POLR3B: variants seen among roughly 807,000 people sequenced by gnomAD.
POLR3B encodes RNA polymerase III subunit B.
Under a neutral mutation model 147.4 loss-of-function variants are expected in POLR3B, and 96 were observed. That is an observed-to-expected ratio of 0.65 (90% confidence interval 0.55 to 0.77). POLR3B has a LOEUF of 0.77. Among genes scored for constraint, POLR3B ranks in the 30% least tolerant of loss-of-function variants. POLR3B has a pLI of 0.00. For synonymous variants in POLR3B, 461 were observed against 485.9 expected (o/e 0.95, Z 0.67); for missense variants, 1,036 against 1,413.5 (o/e 0.73, Z 4.28).
intron 26 of POLR3B, among the ~76,000 whole-genome samples, chr12:106,501,937 C>T (rs1242735792): frequency 6.6e-6 from 1 of 152,206 alleles, no homozygotes; most frequent in Non-Finnish European, 1.5e-5. Flanking sequence ...ACATGTGCCC[C>T]GTTCACAGGT....
chr12:106,440,081 T>A (rs959986069), intron 18 of POLR3B, among the ~76,000 whole-genome samples: 1 of 152,086 alleles, frequency 6.6e-6, no homozygotes, highest in Non-Finnish European at 1.5e-5. Context: ...GATATAGATA[T>A]GTATCCTGAG....
Position 106,393,148 on chromosome 12 carries a change from A to G in POLR3B, c.841A>G (p.Met281Val). The change falls in exon 10 of 28, where the codon ATG (methionine) becomes GTG (valine). Residue 281 changes from methionine (M) to valine (V), a missense_variant. Coordinates refer to ENST00000228347, the MANE Select transcript of POLR3B (RefSeq NM_018082.6). ...CCAGAAAGCTCAGATTTTCACACAGATGCAGGTGTGTCTTTTCATGTTGTC... is the reference window on the plus strand; with the variant it reads ...CCAGAAAGCTCAGATTTTCACACAGGTGCAGGTGTGTCTTTTCATGTTGTC... ...ECQKAQIFTQ[M>V]QALKYIGNKV... The G allele has an allele frequency of 5.0e-6, 8 of 1,614,172 alleles. No homozygotes were observed. The highest frequency in any genetic ancestry group is 6.8e-6 in the Non-Finnish European group (8 of 1,179,996).
At chr12:106,436,550 C>T (rs2037579124) in intron 16 of POLR3B, among the ~76,000 whole-genome samples, 1 of 152,212 alleles carries the variant, frequency 6.6e-6, no homozygotes. Flanking sequence ...CTCTAAACAT[C>T]TGGATATTCA....
intron 19 of POLR3B, among the ~76,000 whole-genome samples, chr12:106,448,784 T>C (rs902878567): frequency 5.3e-5 from 8 of 152,064 alleles, no homozygotes; most frequent in African/African-American, 1.9e-4. Context: ...ATATAATACA[T>C]ACTTTTTTTT....
intron 25 of POLR3B, among the ~76,000 whole-genome samples, chr12:106,498,670 T>G (rs907003108): frequency 6.6e-6 from 1 of 151,800 alleles, no homozygotes; most frequent in East Asian, 1.9e-4. Flanking sequence ...CAACCTCTGC[T>G]TCCCGGGGGG....
chr12:106,452,519 T>C (rs2037810361), intron 19 of POLR3B, among the ~76,000 whole-genome samples: 1 of 152,230 alleles, frequency 6.6e-6, no homozygotes, highest in African/African-American at 2.4e-5. Flanking sequence ...TCAGAAGACA[T>C]GTTTGGCAGC....
Position 106,437,137 on chromosome 12 carries a change from T to C in POLR3B, c.1856+6T>C. On this transcript the variant is annotated splice_donor_region_variant and intron_variant, in intron 17 of 27. Coordinates refer to ENST00000228347, the MANE Select transcript of POLR3B (RefSeq NM_018082.6). The stretch of plus-strand genomic sequence containing the variant: ...GAGCTGGCCCAAGGGTACAGGTAAG[T>C]AGCCAAAAGTAAAACTTACCAATCT... The C allele has an allele frequency of 1.3e-6, 2 of 1,597,872 alleles. No individual in the cohort carries two copies. The highest frequency in any genetic ancestry group is 4.5e-5 in the East Asian group (2 of 44,700).
Position 106,437,719 on chromosome 12 carries a change from A to G in POLR3B, c.1895A>G (p.Tyr632Cys). Residue 632 changes from tyrosine to cysteine, a missense_variant, in exon 18 of 28, where the codon TAT becomes TGT. This residue lies in a region of POLR3B where 177 missense variants were observed against 232.7 expected (regional missense o/e 0.76). Transcript: ENST00000228347. ...TTCTTACATGAGAGTCTGGTTGAATATTTAGATGTGAATGAAGAAAATGAT... is the reference window on the plus strand; with the variant it reads ...TTCTTACATGAGAGTCTGGTTGAATGTTTAGATGTGAATGAAGAAAATGAT... ...EDFLHESLVE[Y>C]LDVNEENDCN... 6.2e-7 allele frequency: 1 copy of G among 1,605,086 alleles called. No homozygotes were observed. Among genetic ancestry groups the G allele is most frequent in the Non-Finnish European group, 8.5e-7 (1 of 1,171,962 alleles).
intron 20 of POLR3B, among the ~76,000 whole-genome samples, chr12:106,456,546 C>G (rs2037865505): frequency 6.6e-6 from 1 of 152,052 alleles, no homozygotes; most frequent in African/African-American, 2.4e-5. Flanking sequence ...ATTGTTTTTA[C>G]TTGTTGGCTT....
rs143411461 is a variant in POLR3B, at chr12:106,446,416, A to C, written c.2083+1826A>C. 18 of 178,516 alleles carry C rather than the reference A, an allele frequency of 1.0e-4. No individual in the cohort carries two copies. In the East Asian group the frequency reaches 1.1e-3, roughly 11 times the overall value. The allele number at this position is 178,516 out of a possible 1,614,324, so 11.1% of individuals were successfully genotyped here. On this transcript the variant is annotated intron_variant, in intron 19 of 27. Transcript: ENST00000228347. ...TTTTATTTTTATAACTCCTCTCCCCACAAAAAAAAAAAAAAAAAAGAAAAG... is the reference window on the plus strand; with the variant it reads ...TTTTATTTTTATAACTCCTCTCCCCCCAAAAAAAAAAAAAAAAAAGAAAAG...
chr12:106,357,976 G>A (rs1390813702), intron 1 of POLR3B, 25 bp downstream of exon 1: 1 of 1,610,144 alleles, frequency 6.2e-7, no homozygotes, highest in South Asian at 1.1e-5. Flanking sequence ...CGCAGGGAGC[G>A]TCAGGGACAA....
intron 23 of POLR3B, among the ~76,000 whole-genome samples, chr12:106,491,218 G>A (rs780249539): frequency 3.3e-5 from 5 of 152,120 alleles, no homozygotes; most frequent in Non-Finnish European, 5.9e-5. Flanking sequence ...TCATGAGATA[G>A]GTGCTAATTA....
chr12:106,457,025 T>G, intron 20 of POLR3B, 113 bp from the exon 21 acceptor site: 2 of 849,710 alleles, frequency 2.4e-6, no homozygotes. Context: ...ACAGAGAAGT[T>G]TTGGGATTTG....
At chr12:106,451,352 G>A (rs2037792825) in intron 19 of POLR3B, among the ~76,000 whole-genome samples, 1 of 152,044 alleles carries the variant, frequency 6.6e-6, no homozygotes, top group Non-Finnish European at 1.5e-5. Flanking sequence ...TTGAGGCCAG[G>A]TACTGTGGTT....
At chr12:106,469,635 G>T (rs1031954022) in intron 23 of POLR3B, among the ~76,000 whole-genome samples, 7 of 152,300 alleles carry the variant, frequency 4.6e-5, no homozygotes, top group African/African-American at 1.4e-4. Context: ...GCTCTTGTAA[G>T]GCAGGCCTGG....
At chr12:106,410,378 C>G (rs2037209183) in intron 11 of POLR3B, 1 of 163,054 alleles carries the variant, frequency 6.1e-6, no homozygotes, top group African/African-American at 2.4e-5. Context: ...TGTAGCCTCT[C>G]TCTCTGTGCA....
intron 12 of POLR3B, among the ~76,000 whole-genome samples, chr12:106,419,521 C>T (rs1302262380): frequency 2.0e-5 from 3 of 152,138 alleles, no homozygotes; most frequent in Non-Finnish European, 2.9e-5. Context: ...TCTGGAAAAT[C>T]TTTAGCTTAA....
chr12:106,428,876 C>A (rs10778470), intron 13 of POLR3B, among the ~76,000 whole-genome samples: 49,739 of 151,990 alleles, frequency 0.33, 11,103 homozygotes, highest in African/African-American at 0.64. Context: ...AACAGTGAGC[C>A]AACTGTAATT....
intron 19 of POLR3B, among the ~76,000 whole-genome samples, chr12:106,452,540 A>G (rs1172094522): frequency 2.0e-5 from 3 of 152,206 alleles, no homozygotes; most frequent in East Asian, 1.9e-4. Flanking sequence ...CTGGTGGGAC[A>G]TTGCCTGAAC....
Sources: allele counts gnomAD v4.1 joint callset (sites outside exome capture counted in the v4.1 genomes callset), GRCh38; gene constraint gnomAD v4.1.1; regional missense constraint gnomAD v4.1.1; transcripts MANE v1.5; gene names NCBI Gene and HGNC (gene_info 2026-07-23, HGNC 2026-07-21).